TENM1: variants seen among roughly 807,000 people sequenced by gnomAD.
The protein encoded by TENM1 is teneurin transmembrane protein 1.
TENM1 carries 35 observed loss-of-function variants against 174.8 expected under a neutral mutation model. The ratio of observed to expected loss-of-function variants is 0.20; its 90% CI spans 0.15 to 0.27. The LOEUF (loss-of-function observed/expected upper bound fraction) is 0.27, where lower values mean the gene tolerates loss of function less well. TENM1 is among the 10% of genes least tolerant of loss of function. TENM1 has a pLI of 1.00. For synonymous variants in TENM1, 781 were observed against 798.7 expected (o/e 0.98, Z 0.37); for missense variants, 1,633 against 2,130.1 (o/e 0.77, Z 4.59).
At chrX:125,187,779 C>A in the TENM1 span, among the ~76,000 whole-genome samples, 3 of 109,179 alleles carry the variant, frequency 2.7e-5, no homozygotes, top group African/African-American at 6.7e-5. Context: ...TGTGTGTGTA[C>A]GTATTTATAT....
At chrX:124,405,539 T>C (rs1380391425) in intron 26 of TENM1, among the ~76,000 whole-genome samples, 1 of 111,653 alleles carries the variant, frequency 9.0e-6, no homozygotes. Flanking sequence ...TCTTTTTTCA[T>C]TTTTAAAGAA....
intron 1 of TENM1, among the ~76,000 whole-genome samples, chrX:124,916,776 TTCTCTCTCTCTCTC>T (rs376505358): frequency 9.8e-6 from 1 of 101,974 alleles, no homozygotes; most frequent in African/African-American, 3.6e-5. Context: ...TTCACCCCCT[TTCTCTCTCTCTCTC>T]TCTCTCTCTC....
intron 3 of TENM1, among the ~76,000 whole-genome samples, chrX:124,853,591 G>GAGT (rs769737835): frequency 9.0e-6 from 1 of 111,030 alleles, no homozygotes; most frequent in East Asian, 2.8e-4. Context: ...ATGATTGATG[G>GAGT]CCTTTATTTT....
chrX:124,939,199 C>T (rs181346740), intron 1 of TENM1, among the ~76,000 whole-genome samples: 40 of 112,133 alleles, frequency 3.6e-4, no homozygotes, highest in African/African-American at 1.1e-3. Flanking sequence ...ATAGCCTATG[C>T]TTATACCTAT....
At chrX:124,500,348 A>T (rs2047301161) in intron 19 of TENM1, among the ~76,000 whole-genome samples, 1 of 112,158 alleles carries the variant, frequency 8.9e-6, no homozygotes, top group African/African-American at 3.2e-5. Flanking sequence ...AATCTGTTTA[A>T]CCTTCCATTA....
intron 4 of TENM1, among the ~76,000 whole-genome samples, chrX:124,715,405 T>C (rs1223492539): frequency 9.2e-6 from 1 of 109,234 alleles, no homozygotes; most frequent in Non-Finnish European, 1.9e-5. Context: ...AAAAAAAAAC[T>C]CTTCATTTTG....
intron 3 of TENM1, among the ~76,000 whole-genome samples, chrX:124,739,028 G>A (rs1024605224): frequency 3.6e-5 from 4 of 111,618 alleles, no homozygotes; most frequent in African/African-American, 9.8e-5. Context: ...GGTTTATTAC[G>A]TCTGCTTTTC....
chrX:124,754,132 T>C (rs924303082), intron 3 of TENM1, among the ~76,000 whole-genome samples: 29 of 111,613 alleles, frequency 2.6e-4, no homozygotes, highest in African/African-American at 7.2e-4. Flanking sequence ...CTCTTTTCGT[T>C]GGTAAGCTAT....
At chrX:124,585,915 A>C (rs1288522517) in intron 11 of TENM1, among the ~76,000 whole-genome samples, 2 of 111,069 alleles carry the variant, frequency 1.8e-5, no homozygotes, top group African/African-American at 6.6e-5. Context: ...ATACCTCTAC[A>C]CAAATAAACT....
the TENM1 span, among the ~76,000 whole-genome samples, chrX:124,980,589 TA>T: frequency 9.0e-6 from 1 of 111,397 alleles, no homozygotes; most frequent in Non-Finnish European, 1.9e-5. Flanking sequence ...CAATTTTAAA[TA>T]AAAAATATGA....
At chrX:124,670,228 T>C (rs982926288) in intron 6 of TENM1, among the ~76,000 whole-genome samples, 2 of 112,369 alleles carry the variant, frequency 1.8e-5, no homozygotes, top group African/African-American at 6.5e-5. Flanking sequence ...ATGACAACTA[T>C]GTGATGACCT....
chrX:124,549,111 A>AT (rs1408847557), intron 14 of TENM1, among the ~76,000 whole-genome samples: 1 of 111,529 alleles, frequency 9.0e-6, no homozygotes, highest in South Asian at 3.8e-4. Context: ...ATATTAACAG[A>AT]TTTTTTAGGG....
At chrX:125,196,005 A>AGAAGGAAGGAAGGAAG in the TENM1 span, among the ~76,000 whole-genome samples, 34 of 96,408 alleles carry the variant, frequency 3.5e-4, no homozygotes, top group African/African-American at 1.3e-3. Flanking sequence ...AAGGAAGAAA[A>AGAAGGAAGGAAGGAAG]GAAGGAACGA....
chrX:125,039,783 C>G, the TENM1 span, among the ~76,000 whole-genome samples: 1 of 109,944 alleles, frequency 9.1e-6, no homozygotes, highest in African/African-American at 3.4e-5. Context: ...TACAGAAGAC[C>G]GTCTGTTCAA....
At chrX:124,947,418 A>G (rs2058419870) in intron 1 of TENM1, among the ~76,000 whole-genome samples, 1 of 112,139 alleles carries the variant, frequency 8.9e-6, no homozygotes, top group Non-Finnish European at 1.9e-5. Flanking sequence ...TCCAGTAGAC[A>G]TATGTTCAAG....
At chrX:125,024,366 G>GCA in the TENM1 span, among the ~76,000 whole-genome samples, 152 of 103,276 alleles carry the variant, frequency 1.5e-3, no homozygotes, top group Non-Finnish European at 2.4e-3. Context: ...ACATACATAT[G>GCA]CACACACACA....
chrX:125,156,036 A>G, the TENM1 span, among the ~76,000 whole-genome samples: 1 of 112,537 alleles, frequency 8.9e-6, no homozygotes, highest in African/African-American at 3.2e-5. Context: ...TAGGAGCAAG[A>G]AGGAGACCAC....
the TENM1 span, among the ~76,000 whole-genome samples, chrX:125,155,596 G>A: frequency 1.8e-5 from 2 of 112,264 alleles, no homozygotes; most frequent in Non-Finnish European, 3.8e-5. Flanking sequence ...CAGGCATGGC[G>A]GGCTGCAGGT....
intron 18 of TENM1, among the ~76,000 whole-genome samples, chrX:124,512,315 G>A (rs936245709): frequency 9.0e-6 from 1 of 111,115 alleles, no homozygotes; most frequent in Admixed American, 9.6e-5. Context: ...AAGCAGCAGA[G>A]TTGGGAAAGA....
Sources: allele counts gnomAD v4.1 joint callset (sites outside exome capture counted in the v4.1 genomes callset), GRCh38; gene constraint gnomAD v4.1.1; transcripts MANE v1.5; gene names NCBI Gene and HGNC (gene_info 2026-07-23, HGNC 2026-07-21).